DAB1: variants seen among roughly 807,000 people sequenced by gnomAD.
The protein encoded by DAB1 is disabled homolog 1.
A neutral mutation model predicts 64.6 loss-of-function variants in DAB1; 15 were observed. The ratio of observed to expected loss-of-function variants is 0.23; its 90% confidence interval spans 0.16 to 0.36. The LOEUF (loss-of-function observed/expected upper bound fraction) is 0.36. Among genes scored for constraint, DAB1 ranks in the 10% least tolerant of loss-of-function variants. The probability of loss-of-function intolerance (pLI) is 1.00; values close to 1 mark genes in which losing one functional copy is unlikely to be tolerated. For missense variants in DAB1, 596 were observed against 706.7 expected, an observed-to-expected ratio of 0.84 and a Z score of 1.78; for synonymous variants, 235 against 251.9, an observed-to-expected ratio of 0.93 and a Z score of 0.64.
intron 7 of DAB1, among the ~76,000 whole-genome samples, chr1:57,545,156 G>C (rs1644842659): frequency 6.6e-6 from 1 of 152,084 alleles, no homozygotes; most frequent in African/African-American, 2.4e-5. Flanking sequence ...TTTCTTCCAG[G>C]TGTCCACATG....
intron 5 of DAB1, among the ~76,000 whole-genome samples, chr1:57,894,879 C>T (rs1034950435): frequency 6.6e-6 from 1 of 152,066 alleles, no homozygotes; most frequent in African/African-American, 2.4e-5. Flanking sequence ...AACTTTACAG[C>T]CCATTCAAAC....
At chr1:57,994,083 A>G (rs2100383798) in intron 5 of DAB1, among the ~76,000 whole-genome samples, 1 of 152,332 alleles carries the variant, frequency 6.6e-6, no homozygotes, top group East Asian at 1.9e-4. Flanking sequence ...GTGAACTAAC[A>G]GTAGGAACAG....
chr1:58,058,918 G>A (rs1000671818), intron 5 of DAB1, among the ~76,000 whole-genome samples: 2 of 152,102 alleles, frequency 1.3e-5, no homozygotes, highest in Admixed American at 6.5e-5. Flanking sequence ...TAAAAGGAAG[G>A]CTCCATGGTA....
chr1:58,533,725 T>C lies in DAB1; in HGVS notation n.33-6390A>G, dbSNP rs151257366. ...ACGTTTTAGCAAAAGAGACAGGTGA[T>C]AAAAATAGTATTTAAGAAAAATATT... On this transcript the variant is annotated intron_variant and non_coding_transcript_variant, in intron 1 of 20. Coordinates refer to the DAB1 transcript ENST00000485760. Among the ~76,000 whole-genome samples the C allele has an allele frequency of 4.2e-3, 641 of 152,228 alleles. 3 individuals are homozygous for C. The highest frequency in any genetic ancestry group is 0.015 in the African/African-American group (620 of 41,548).
chr1:57,165,902 G>A (rs12061303), intron 2 of DAB1, among the ~76,000 whole-genome samples: 6,913 of 152,254 alleles, frequency 0.045, 507 homozygotes, highest in African/African-American at 0.16. Flanking sequence ...AAATAGAGGT[G>A]CCACCAATTT....
chr1:57,137,831 G>A (rs1415915522), intron 3 of DAB1, among the ~76,000 whole-genome samples: 1 of 152,108 alleles, frequency 6.6e-6, no homozygotes, highest in Admixed American at 6.5e-5. Flanking sequence ...TATGACCAGA[G>A]GTATGAGGAA....
chr1:57,194,636 CAGCT>C lies in DAB1; in HGVS notation c.68-49211_68-49208del, dbSNP rs151096241. Among the ~76,000 whole-genome samples, 4 of 152,308 alleles carry C rather than the reference CAGCT, an allele frequency of 2.6e-5. No homozygotes were observed. The East Asian group carries it at 5.8e-4, about 22-fold the overall frequency. ...CTGAGGTGTATAAAATTCTTTCACT[CAGCT>C]AGCCGCCTTTGCACATCCCCAACTC... On this transcript the variant is annotated intron_variant, in intron 2 of 14. Coordinates refer to ENST00000371236, the MANE Select transcript of DAB1 (RefSeq NM_001365792.1).
At chr1:58,380,984 C>T (rs1644381811) in intron 3 of DAB1, among the ~76,000 whole-genome samples, 1 of 152,190 alleles carries the variant, frequency 6.6e-6, no homozygotes, top group East Asian at 1.9e-4. Flanking sequence ...AGATCATGTC[C>T]TTTGCAGGGA....
chr1:58,522,188 C>T (rs1339273196), intron 2 of DAB1, among the ~76,000 whole-genome samples: 1 of 151,866 alleles, frequency 6.6e-6, no homozygotes, highest in Non-Finnish European at 1.5e-5. Flanking sequence ...GGAAGGAGAA[C>T]ATCAGGAAGA....
intron 2 of DAB1, among the ~76,000 whole-genome samples, chr1:57,247,927 C>T (rs1669010202): frequency 6.6e-6 from 1 of 152,166 alleles, no homozygotes; most frequent in Non-Finnish European, 1.5e-5. Flanking sequence ...GGAAAAGAGA[C>T]ACCCTCCAAC....
chr1:57,351,299 C>CA (rs374418245), intron 1 of DAB1, among the ~76,000 whole-genome samples: 75 of 152,104 alleles, frequency 4.9e-4, no homozygotes, highest in African/African-American at 1.8e-3. Flanking sequence ...GTAAGGACAA[C>CA]ACAGAAGTAG....
intron 2 of DAB1, among the ~76,000 whole-genome samples, chr1:57,185,129 C>A (rs1663398524): frequency 6.6e-6 from 1 of 152,232 alleles, no homozygotes; most frequent in Non-Finnish European, 1.5e-5. Context: ...AACATGCTTC[C>A]CCCTCTCTGT....
At chr1:58,418,167 C>T (rs1439799836) in intron 3 of DAB1, among the ~76,000 whole-genome samples, 1 of 152,200 alleles carries the variant, frequency 6.6e-6, no homozygotes, top group Admixed American at 6.5e-5. Context: ...TCTCTTATAG[C>T]TTTGCTGCAA....
intron 5 of DAB1, among the ~76,000 whole-genome samples, chr1:58,005,586 G>A (rs1218286749): frequency 1.4e-5 from 2 of 148,082 alleles, no homozygotes; most frequent in Non-Finnish European, 3.0e-5. Flanking sequence ...GGCCAGGAGG[G>A]GCTCTGTGCG....
chr1:58,025,166 T>C (rs148020178), intron 5 of DAB1, among the ~76,000 whole-genome samples: 170 of 151,962 alleles, frequency 1.1e-3, no homozygotes, highest in African/African-American at 3.9e-3. Flanking sequence ...GAGAACCCCT[T>C]ATACATCTCT....
chr1:57,718,055 C>T (rs542359861), intron 6 of DAB1, among the ~76,000 whole-genome samples: 1 of 152,154 alleles, frequency 6.6e-6, no homozygotes, highest in South Asian at 2.1e-4. Context: ...TTTTATTCTT[C>T]CTTCTTGGAC....
intron 5 of DAB1, among the ~76,000 whole-genome samples, chr1:57,897,238 T>C (rs1644404871): frequency 6.6e-6 from 1 of 152,228 alleles, no homozygotes; most frequent in South Asian, 2.1e-4. Flanking sequence ...TAGGTAATTA[T>C]AAATGTATTC....
chr1:57,971,983 T>G (rs2764694), intron 5 of DAB1, among the ~76,000 whole-genome samples: 147,534 of 152,272 alleles, frequency 0.97, 71,638 homozygotes, highest in East Asian at 1. Flanking sequence ...TATTTCAAAT[T>G]GTCATAAATC....
chr1:57,538,408 T>C (rs1644756411), intron 7 of DAB1, among the ~76,000 whole-genome samples: 1 of 152,114 alleles, frequency 6.6e-6, no homozygotes, highest in Non-Finnish European at 1.5e-5. Flanking sequence ...GATTGGGCCC[T>C]ACCTCCCTCC....
Sources: gnomAD v4.1 joint callset for allele counts (sites outside exome capture counted in the v4.1 genomes callset) on GRCh38, gnomAD v4.1.1 for gene constraint, MANE v1.5 for transcripts, NCBI Gene and HGNC (gene_info 2026-07-23, HGNC 2026-07-21) for gene names.